Variants in MTHFD1 observed in about 807,000 individuals in gnomAD.
MTHFD1 encodes the protein C-1-tetrahydrofolate synthase, cytoplasmic.
Under a neutral mutation model 110.3 loss-of-function variants are expected in MTHFD1, and 44 were observed. The ratio of observed to expected loss-of-function variants is 0.40; its 90% CI spans 0.31 to 0.51. The LOEUF is 0.51. Among genes scored for constraint, MTHFD1 ranks in the 20% least tolerant of loss-of-function variants. The pLI is 0.60. For synonymous variants in MTHFD1, 402 were observed against 428.8 expected (o/e 0.94, Z 0.77); for missense variants, 909 against 1,173.1 (o/e 0.77, Z 3.29).
chr14:64,414,775 C>T (rs939381397), intron 4 of MTHFD1, among the ~76,000 whole-genome samples: 5 of 151,458 alleles, frequency 3.3e-5, no homozygotes, highest in African/African-American at 4.9e-5. Flanking sequence ...CTGCAACCTC[C>T]ACCTCCCAGG....
At chr14:64,441,186 C>A in intron 18 of MTHFD1, 199 bp from the exon 19 acceptor site, 1 of 571,518 alleles carries the variant, frequency 1.7e-6, no homozygotes, top group Admixed American at 2.3e-5. Context: ...AGCCAGACTC[C>A]GTCTCAAAAA....
intron 3 of MTHFD1, among the ~76,000 whole-genome samples, chr14:64,411,648 C>T (rs181397946): frequency 4.6e-5 from 7 of 152,218 alleles, no homozygotes; most frequent in Admixed American, 2.6e-4. Context: ...GCCAGTAATC[C>T]CAGCACTTTG....
intron 13 of MTHFD1, among the ~76,000 whole-genome samples, chr14:64,431,309 G>A (rs548279463): frequency 5.9e-5 from 9 of 151,840 alleles, no homozygotes; most frequent in Admixed American, 5.3e-4. Context: ...GAAGTGATCC[G>A]CCCGCCTCGG....
At chr14:64,413,458 G>A (rs1255107428) in intron 4 of MTHFD1, among the ~76,000 whole-genome samples, 7 of 152,094 alleles carry the variant, frequency 4.6e-5, no homozygotes, top group East Asian at 1.9e-4. Flanking sequence ...ACAAATCAGC[G>A]GTGATTAAAG....
chr14:64,440,025 C>T (rs1275905739), intron 17 of MTHFD1, 101 bp from the exon 18 acceptor site: 3 of 1,028,292 alleles, frequency 2.9e-6, no homozygotes, highest in Non-Finnish European at 4.3e-6. Context: ...TCCTTTTAAG[C>T]TATTTGTTTA....
At chr14:64,435,439 C>T (rs1362204390) in intron 15 of MTHFD1, 130 bp from the exon 16 acceptor site, 1 of 706,924 alleles carries the variant, frequency 1.4e-6, no homozygotes. Flanking sequence ...TCAGTTTTTC[C>T]TTCTGAATTT....
intron 9 of MTHFD1, 134 bp downstream of exon 9, chr14:64,425,065 A>G: frequency 8.9e-7 from 1 of 1,123,546 alleles, no homozygotes; most frequent in Non-Finnish European, 1.3e-6. Context: ...AGGGAAGGGA[A>G]GAATAGAGAA....
In MTHFD1 at chr14:64,442,554, G is replaced by A. The variant is rs568542655; in HGVS notation, c.2136+152G>A. 540 of 837,752 alleles carry A rather than the reference G, an allele frequency of 6.4e-4. 7 individuals carry two copies. In the South Asian group the frequency reaches 7.3e-3, roughly 11 times the overall value. The allele number at this position is 837,752 out of a possible 1,614,324, so 51.9% of individuals were successfully genotyped here. On this transcript the variant is annotated intron_variant, in intron 21 of 27. Coordinates refer to ENST00000652337, the MANE Select transcript of MTHFD1 (RefSeq NM_005956.4). ...GGGACGGGCAGACAGCCCTTGTGTT[G>A]GCTGCCTTATCACTCACAGGCACCG...
chr14:64,406,050 T>A (rs991542557), intron 2 of MTHFD1, among the ~76,000 whole-genome samples: 43 of 150,034 alleles, frequency 2.9e-4, no homozygotes, highest in African/African-American at 1.0e-3. Flanking sequence ...TATTATTATT[T>A]TTTTTGAGAC....
intron 15 of MTHFD1, among the ~76,000 whole-genome samples, chr14:64,434,634 C>T (rs2078189589): frequency 6.6e-6 from 1 of 152,174 alleles, no homozygotes; most frequent in Admixed American, 6.5e-5. Flanking sequence ...TCACACATCT[C>T]CTGCTTTGCA....
chr14:64,445,000 G>C (rs921230621), intron 22 of MTHFD1: 3 of 499,622 alleles, frequency 6.0e-6, no homozygotes, highest in Admixed American at 6.5e-5. Context: ...TTTGACCCCG[G>C]GGACATTTGG....
At chr14:64,403,881 T>G (rs1566556204) in intron 2 of MTHFD1, among the ~76,000 whole-genome samples, 2 of 152,180 alleles carry the variant, frequency 1.3e-5, no homozygotes, top group South Asian at 2.1e-4. Context: ...AATGTATATT[T>G]CTTCATCAAG....
At chr14:64,397,447 C>T (rs1347840381) in intron 1 of MTHFD1, among the ~76,000 whole-genome samples, 2 of 151,656 alleles carry the variant, frequency 1.3e-5, no homozygotes, top group East Asian at 3.9e-4. Context: ...CGCGTGCCAC[C>T]ACGCCTGGCT....
intron 1 of MTHFD1, among the ~76,000 whole-genome samples, chr14:64,389,528 T>C (rs893767757): frequency 2.0e-5 from 3 of 152,022 alleles, no homozygotes. Flanking sequence ...TCCAAAATGG[T>C]GAAACCCCAT....
intron 10 of MTHFD1, 63 bp downstream of exon 10, chr14:64,425,890 T>C: frequency 6.3e-7 from 1 of 1,579,838 alleles, no homozygotes; most frequent in Non-Finnish European, 8.7e-7. Flanking sequence ...TGACAGATAC[T>C]GTGGGTTCAC....
chr14:64,425,983 G>C (rs770329125), intron 10 of MTHFD1, 36 bp from the exon 11 acceptor site: 1 of 1,612,334 alleles, frequency 6.2e-7, no homozygotes, highest in South Asian at 1.1e-5. Context: ...AAACTCAGTG[G>C]ATAAACATTA....
intron 4 of MTHFD1, 81 bp downstream of exon 4, chr14:64,412,606 C>A: frequency 8.0e-6 from 8 of 1,005,298 alleles, no homozygotes; most frequent in Non-Finnish European, 1.3e-5. Flanking sequence ...GCTTTGGGGA[C>A]TGACACATTT....
At chr14:64,419,580 A>G (rs2078053424) in intron 7 of MTHFD1, among the ~76,000 whole-genome samples, 1 of 152,236 alleles carries the variant, frequency 6.6e-6, no homozygotes. Context: ...CTATTGGGTA[A>G]AATGGCTGGT....
At chr14:64,430,289 T>A in intron 13 of MTHFD1, 59 bp downstream of exon 13, 1 of 1,475,882 alleles carries the variant, frequency 6.8e-7, no homozygotes, top group Non-Finnish European at 9.5e-7. Context: ...GGGGGGAGGG[T>A]GCTGAATTAG....
Sources: allele counts gnomAD v4.1 joint callset (sites outside exome capture counted in the v4.1 genomes callset), GRCh38; gene constraint gnomAD v4.1.1; transcripts MANE v1.5; gene names NCBI Gene and HGNC (gene_info 2026-07-23, HGNC 2026-07-21).